Variants in CHST11 observed in about 807,000 individuals in gnomAD.
CHST11 encodes the protein C4S-1.
In CHST11, 9 loss-of-function variants were observed where a neutral mutation model predicts 30.4. The ratio of observed to expected loss-of-function variants is 0.30; its 90% CI spans 0.18 to 0.52. The LOEUF (loss-of-function observed/expected upper bound fraction) is 0.52. Among genes scored for constraint, CHST11 ranks in the 20% least tolerant of loss-of-function variants. The pLI, the probability that CHST11 is intolerant of heterozygous loss-of-function variation, is 0.97. For missense variants in CHST11, 348 were observed against 460.6 expected (o/e 0.76, Z 2.24); for synonymous variants, 152 against 187.8 (o/e 0.81, Z 1.56).
At chr12:104,614,155 C>A (rs56000183) in intron 2 of CHST11, among the ~76,000 whole-genome samples, 31,231 of 152,096 alleles carry the variant, frequency 0.21, 3,627 homozygotes, top group Middle Eastern at 0.27. Context: ...TGTTGTATAC[C>A]ATGAATATAT....
At chr12:104,523,382 G>A (rs1049872104) in intron 1 of CHST11, among the ~76,000 whole-genome samples, 1 of 152,240 alleles carries the variant, frequency 6.6e-6, no homozygotes, top group African/African-American at 2.4e-5. Flanking sequence ...CCATCTGGAA[G>A]TGTCATATAG....
chr12:104,738,987 C>T (rs1001583275), intron 2 of CHST11, among the ~76,000 whole-genome samples: 1 of 152,224 alleles, frequency 6.6e-6, no homozygotes, highest in Non-Finnish European at 1.5e-5. Context: ...GACGGAGGAC[C>T]AGGCTGGGAG....
At chr12:104,754,062 T>G (rs2029738) in intron 2 of CHST11, among the ~76,000 whole-genome samples, 6,594 of 152,282 alleles carry the variant, frequency 0.043, 317 homozygotes, top group African/African-American at 0.12. Context: ...GATAAATTTG[T>G]TGAGTGGTGG....
chr12:104,656,054 T>C lies in CHST11; in HGVS notation c.204+54063T>C, dbSNP rs549127206. On this transcript the variant is annotated intron_variant, in intron 2 of 2. Transcript: ENST00000303694. ...AAGGTAAGCAAGACGAAAGGGGTAG[T>C]TCCTAGACCTAGAAAGCAAGACTTT... Among the ~76,000 whole-genome samples the C allele has an allele frequency of 5.9e-5, 9 of 152,344 alleles. No homozygotes were observed. In the East Asian group the frequency reaches 1.7e-3, roughly 29 times the overall value.
intron 2 of CHST11, among the ~76,000 whole-genome samples, chr12:104,753,476 C>T (rs1437674907): frequency 6.6e-6 from 1 of 152,218 alleles, no homozygotes; most frequent in Admixed American, 6.5e-5. Context: ...CTGCAGCTTG[C>T]TTTTGATATT....
At chr12:104,457,981 GGGCGAGCCGCCTCTTCCT>G (rs1025451212) in intron 1 of CHST11, among the ~76,000 whole-genome samples, 1 of 151,910 alleles carries the variant, frequency 6.6e-6, no homozygotes, top group Non-Finnish European at 1.5e-5. Context: ...CTCTGCGCCC[GGGCGAGCCGCCTCTTCCT>G]GGTTGCCGGG....
chr12:104,663,092 C>G (rs2039611564), intron 2 of CHST11, among the ~76,000 whole-genome samples: 1 of 152,224 alleles, frequency 6.6e-6, no homozygotes. Flanking sequence ...AGGGATTGGG[C>G]CAAAGACTAG....
chr12:104,465,651 A>G (rs1225093503), intron 1 of CHST11, among the ~76,000 whole-genome samples: 3 of 152,134 alleles, frequency 2.0e-5, no homozygotes, highest in Admixed American at 6.5e-5. Context: ...GAAACATTTA[A>G]AGAGTAAATA....
rs551367875 is a variant in CHST11 at position 104,739,063 on chromosome 12, C to T, written c.205-17886C>T. Among the ~76,000 whole-genome samples the T allele has an allele frequency of 7.4e-4, 112 of 152,284 alleles. 2 individuals are homozygous for T. In the Middle Eastern group the frequency reaches 0.014, roughly 18 times the overall value. ...AGTCTGAAGCTCATCCAGGGCAAAG[C>T]GGGACCTGCAGGTGGCAGACGCTGT... On this transcript the variant is annotated intron_variant, in intron 2 of 2. Coordinates refer to ENST00000303694, the MANE Select transcript of CHST11 (RefSeq NM_018413.6).
chr12:104,711,692 T>C (rs2040089836), intron 2 of CHST11, among the ~76,000 whole-genome samples: 1 of 152,136 alleles, frequency 6.6e-6, no homozygotes, highest in Admixed American at 6.5e-5. Flanking sequence ...GCCAGATTCT[T>C]TAAAGACAAG....
At chr12:104,557,810 G>C (rs35340768) in intron 1 of CHST11, among the ~76,000 whole-genome samples, 2,459 of 152,276 alleles carry the variant, frequency 0.016, 118 homozygotes, top group East Asian at 0.15. Flanking sequence ...ATGTGGGAAC[G>C]AAATTAATCC....
intron 2 of CHST11, among the ~76,000 whole-genome samples, chr12:104,748,511 A>G (rs2040405653): frequency 6.6e-6 from 1 of 151,406 alleles, no homozygotes; most frequent in African/African-American, 2.4e-5. Context: ...TATTAGAGGC[A>G]GAGACACCTG....
chr12:104,623,467 T>C (rs1190470190), intron 2 of CHST11, among the ~76,000 whole-genome samples: 1 of 152,088 alleles, frequency 6.6e-6, no homozygotes, highest in Non-Finnish European at 1.5e-5. Context: ...TCCCAGCACT[T>C]TGGGAGGCCG....
At chr12:104,605,434 A>G (rs539392501) in intron 2 of CHST11, among the ~76,000 whole-genome samples, 22 of 152,278 alleles carry the variant, frequency 1.4e-4, no homozygotes, top group African/African-American at 4.3e-4. Context: ...AAAAAATTCT[A>G]TGGGCGTGGT....
At chr12:104,507,221 C>T (rs1428588185) in intron 1 of CHST11, among the ~76,000 whole-genome samples, 1 of 152,170 alleles carries the variant, frequency 6.6e-6, no homozygotes, top group Non-Finnish European at 1.5e-5. Context: ...AGCAGATGGT[C>T]TCCGTCACTG....
intron 2 of CHST11, among the ~76,000 whole-genome samples, chr12:104,731,339 G>A (rs560572946): frequency 2.2e-4 from 34 of 152,314 alleles, no homozygotes; most frequent in South Asian, 4.1e-4. Flanking sequence ...AACCAAAGCC[G>A]AAAGAAGTAC....
chr12:104,571,506 G>A (rs112749658), intron 1 of CHST11, among the ~76,000 whole-genome samples: 4 of 152,274 alleles, frequency 2.6e-5, no homozygotes, highest in African/African-American at 7.2e-5. Flanking sequence ...CGCCTCCAGC[G>A]TCCCACTTGT....
rs2037364528 is a variant in CHST11, at chr12:104,457,538, C to T, written c.118+9C>T. The T allele has an allele frequency of 6.3e-7, 1 of 1,576,380 alleles. No homozygotes were observed. On this transcript the variant is annotated intron_variant, in intron 1 of 2. Coordinates refer to ENST00000303694, the MANE Select transcript of CHST11 (RefSeq NM_018413.6). The stretch of plus-strand genomic sequence containing the variant: ...AAGTATGTTGCACCCAGGTAGGGGG[C>T]GCGTTAGCGTGGTTTTGTTGGATAT...
At chr12:104,520,207 A>T (rs2038062043) in intron 1 of CHST11, among the ~76,000 whole-genome samples, 1 of 152,208 alleles carries the variant, frequency 6.6e-6, no homozygotes, top group Non-Finnish European at 1.5e-5. Context: ...CAGTCTCTGA[A>T]CTACTGAGCA....
Sources: gnomAD v4.1 joint callset for allele counts (sites outside exome capture counted in the v4.1 genomes callset) on GRCh38, gnomAD v4.1.1 for gene constraint, MANE v1.5 for transcripts, NCBI Gene and HGNC (gene_info 2026-07-23, HGNC 2026-07-21) for gene names.